The following BANK1 variants were observed in gnomAD, a reference collection of about 807,000 sequenced individuals.
BANK1 encodes B-cell scaffold protein with ankyrin repeats.
BANK1 carries 95 observed loss-of-function variants against 94.5 expected under a neutral mutation model. That is an observed-to-expected ratio of 1.00 (90% CI 0.85 to 1.19). The LOEUF is 1.19. Among genes scored for constraint, BANK1 ranks in the 50% most tolerant of loss-of-function variants. The pLI, the probability that BANK1 is intolerant of heterozygous loss-of-function variation, is 0.00. For synonymous variants in BANK1, 334 were observed against 308.4 expected, an observed-to-expected ratio of 1.08 and a Z score of -0.87; for missense variants, 987 against 932.2, an observed-to-expected ratio of 1.06 and a Z score of -0.77.
At chr4:101,947,408 GC>G (rs1218489899) in intron 7 of BANK1, among the ~76,000 whole-genome samples, 2 of 150,024 alleles carry the variant, frequency 1.3e-5, no homozygotes, top group African/African-American at 4.9e-5. Flanking sequence ...AACCTGGGAT[GC>G]CCATGAGTCT....
At chr4:101,821,860 A>C (rs1288396155) in intron 1 of BANK1, among the ~76,000 whole-genome samples, 1 of 152,090 alleles carries the variant, frequency 6.6e-6, no homozygotes, top group Non-Finnish European at 1.5e-5. Context: ...AAAATGGAGG[A>C]GTGGGTGGAG....
chr4:101,950,298 G>A (rs1040763975), intron 7 of BANK1, among the ~76,000 whole-genome samples: 1 of 150,448 alleles, frequency 6.6e-6, no homozygotes, highest in African/African-American at 2.5e-5. Flanking sequence ...TTAAATTTAA[G>A]AAAGATGATT....
At chr4:102,071,073 G>C (rs1728743312) in intron 13 of BANK1, among the ~76,000 whole-genome samples, 2 of 152,136 alleles carry the variant, frequency 1.3e-5, no homozygotes, top group Admixed American at 1.3e-4. Context: ...GGAGAGGAAA[G>C]GACAAAAGTA....
chr4:101,855,242 T>G (rs138712822), intron 3 of BANK1, 53 bp downstream of exon 3: 1 of 1,534,832 alleles, frequency 6.5e-7, no homozygotes, highest in Non-Finnish European at 8.8e-7. Context: ...ATGGTGGTGG[T>G]GGTGGTTGTT....
intron 7 of BANK1, among the ~76,000 whole-genome samples, chr4:101,955,106 TAGA>T (rs1724293798): frequency 1.3e-5 from 2 of 152,096 alleles, no homozygotes; most frequent in African/African-American, 2.4e-5. Flanking sequence ...ACAGGTGCTG[TAGA>T]AAGGGGATGA....
At chr4:101,928,471 C>T (rs920126709) in intron 7 of BANK1, among the ~76,000 whole-genome samples, 4 of 151,610 alleles carry the variant, frequency 2.6e-5, no homozygotes, top group African/African-American at 4.8e-5. Context: ...AGTGAAAAAT[C>T]GTAAACTCAG....
At chr4:101,983,223 C>A (rs967318840) in intron 7 of BANK1, among the ~76,000 whole-genome samples, 1 of 151,996 alleles carries the variant, frequency 6.6e-6, no homozygotes, top group Non-Finnish European at 1.5e-5. Context: ...TTTTAAAATA[C>A]ACATTTATGA....
chr4:101,946,939 CT>C (rs1723949287), intron 7 of BANK1, among the ~76,000 whole-genome samples: 1 of 151,702 alleles, frequency 6.6e-6, no homozygotes, highest in Admixed American at 6.6e-5. Flanking sequence ...TCTTTATTTT[CT>C]TTTATGATGA....
chr4:102,013,372 T>A (rs1168196376), intron 7 of BANK1, among the ~76,000 whole-genome samples: 1 of 152,098 alleles, frequency 6.6e-6, no homozygotes, highest in Non-Finnish European at 1.5e-5. Context: ...GGCCAGCTAG[T>A]TTTAATGTTA....
chr4:102,062,973 A>G (rs777349400), intron 12 of BANK1, 102 bp from the exon 13 acceptor site: 18 of 837,006 alleles, frequency 2.2e-5, no homozygotes, highest in Non-Finnish European at 1.9e-5. Flanking sequence ...GCAAATTAAT[A>G]TCAAGTAGCA....
intron 5 of BANK1, among the ~76,000 whole-genome samples, chr4:101,881,481 T>C (rs1024333463): frequency 6.6e-6 from 1 of 152,048 alleles, no homozygotes; most frequent in Non-Finnish European, 1.5e-5. Context: ...AGTAAATTAG[T>C]ACAACCACTA....
In BANK1 at chr4:102,018,587, A is replaced by T. The variant is rs141764338; in HGVS notation, c.1207-2927A>T. ...CTTTTTAATTTATCTTTGATAATGA[A>T]TGATTTTAATTTATTACATTAAACA... is the stretch of plus-strand genomic sequence containing the variant. On this transcript the variant is annotated intron_variant, in intron 7 of 16. Coordinates refer to ENST00000322953, the MANE Select transcript of BANK1 (RefSeq NM_017935.5). Among the ~76,000 whole-genome samples, 13 of 152,376 alleles carry T rather than the reference A, an allele frequency of 8.5e-5. No homozygotes were observed. The East Asian group carries it at 2.5e-3, about 29-fold the overall frequency.
chr4:101,997,109 T>C (rs1316795043), intron 7 of BANK1, among the ~76,000 whole-genome samples: 2 of 152,204 alleles, frequency 1.3e-5, no homozygotes, highest in African/African-American at 2.4e-5. Flanking sequence ...ATTCCATCAA[T>C]ACCTAGTTTT....
At chr4:101,936,436 GT>G (rs1354556670) in intron 7 of BANK1, among the ~76,000 whole-genome samples, 1 of 149,640 alleles carries the variant, frequency 6.7e-6, no homozygotes, top group Non-Finnish European at 1.5e-5. Flanking sequence ...TGTATAAGAT[GT>G]ATACATGTTT....
chr4:102,050,337 T>A (rs1443948431), intron 11 of BANK1, among the ~76,000 whole-genome samples: 5 of 152,088 alleles, frequency 3.3e-5, no homozygotes, highest in Admixed American at 2.0e-4. Flanking sequence ...GAGGAGCACA[T>A]CCACCCTAAC....
intron 6 of BANK1, among the ~76,000 whole-genome samples, chr4:101,913,901 C>T (rs1168843735): frequency 6.6e-6 from 1 of 152,140 alleles, no homozygotes; most frequent in Non-Finnish European, 1.5e-5. Context: ...TCATACTTGT[C>T]AACTCATCAT....
intron 7 of BANK1, among the ~76,000 whole-genome samples, chr4:101,964,531 A>G (rs990777712): frequency 6.6e-6 from 1 of 151,936 alleles, no homozygotes; most frequent in Admixed American, 6.6e-5. Flanking sequence ...TAGGTACATA[A>G]TGTTACTTTA....
chr4:101,835,030 GGA>G (rs1444517137), intron 2 of BANK1, among the ~76,000 whole-genome samples: 2 of 151,964 alleles, frequency 1.3e-5, no homozygotes, highest in Non-Finnish European at 2.9e-5. Context: ...TCCCAAATTG[GGA>G]GTAACACAAA....
At chr4:101,882,821 A>G (rs976478707) in intron 5 of BANK1, among the ~76,000 whole-genome samples, 2 of 151,034 alleles carry the variant, frequency 1.3e-5, no homozygotes, top group African/African-American at 5.0e-5. Flanking sequence ...AGATCGACTT[A>G]CAAATATGTG....
Sources: allele counts gnomAD v4.1 joint callset (sites outside exome capture counted in the v4.1 genomes callset), GRCh38; gene constraint gnomAD v4.1.1; transcripts MANE v1.5; gene names NCBI Gene and HGNC (gene_info 2026-07-23, HGNC 2026-07-21).